SLC17A4: variants seen among roughly 807,000 people sequenced by gnomAD.
SLC17A4 encodes probable small intestine urate exporter.
In SLC17A4, 33 loss-of-function variants were observed where a neutral mutation model predicts 52.5. The observed-to-expected ratio is 0.63, with a 90% CI of 0.48 to 0.84. The LOEUF is 0.84. Among genes scored for constraint, SLC17A4 ranks in the 40% least tolerant of loss-of-function variants. The pLI is 0.00. For synonymous variants in SLC17A4, 225 were observed against 216.2 expected (o/e 1.04, Z -0.36); for missense variants, 585 against 597.1 (o/e 0.98, Z 0.21).
rs771348291 is a variant in SLC17A4, at chr6:25,779,195, C to T, written c.*7C>T. Reference sequence around the variant, plus strand: ...GACATTCACCCACCTCTGAGCAAACCGAGAGATGTGCTAGATCCTGGTGCT... The same window carrying T: ...GACATTCACCCACCTCTGAGCAAACTGAGAGATGTGCTAGATCCTGGTGCT... On this transcript the variant is annotated 3_prime_UTR_variant, in exon 12 of 12. Transcript: ENST00000377905. The T allele has an allele frequency of 8.7e-6, 14 of 1,612,980 alleles. No individual in the cohort carries two copies. Among genetic ancestry groups the T allele is most frequent in the East Asian group, 2.2e-5 (1 of 44,884 alleles).
At chr6:25,773,771 G>T in intron 8 of SLC17A4, 97 bp downstream of exon 8, 1 of 1,343,800 alleles carries the variant, frequency 7.4e-7, no homozygotes, top group African/African-American at 1.5e-5. Flanking sequence ...TCACAAAATC[G>T]GGGGATTAGG....
chr6:25,766,304 T>C (rs1245630324), intron 2 of SLC17A4, among the ~76,000 whole-genome samples: 1 of 151,932 alleles, frequency 6.6e-6, no homozygotes, highest in East Asian at 1.9e-4. Context: ...CAAACAAATA[T>C]ATTCTAGTAG....
chr6:25,778,856 C>A (rs754288861), intron 11 of SLC17A4, among the ~76,000 whole-genome samples, 198 bp from the exon 12 acceptor site: 1 of 152,104 alleles, frequency 6.6e-6, no homozygotes, highest in African/African-American at 2.4e-5. Context: ...GGAGGAGGAG[C>A]GTTCCAGCCA....
intron 1 of SLC17A4, among the ~76,000 whole-genome samples, chr6:25,758,191 T>C (rs1195228001): frequency 6.6e-6 from 1 of 152,176 alleles, no homozygotes; most frequent in Non-Finnish European, 1.5e-5. Context: ...AGGGGACATA[T>C]GTCAAGCTCC....
chr6:25,770,423 T>A lies in SLC17A4; in HGVS notation c.571T>A (p.Trp191Arg), dbSNP rs753663996. 4.5e-5 allele frequency: 73 copies of A among 1,613,996 alleles called. 1 individual carries two copies. In the South Asian group the frequency reaches 7.5e-4, roughly 17 times the overall value. The change falls in exon 5 of 12, where the codon TGG becomes AGG. Residue 191 changes from tryptophan to arginine, a missense_variant. Physicochemically the swap from Trp to Arg is moderately radical, Grantham distance 101. Coordinates refer to ENST00000377905, the MANE Select transcript of SLC17A4 (RefSeq NM_005495.3). ...TGGTCAGTATTCAATTTGGGTCAAA[T>A]GGGCTCCCCCACTGGAAAGGAGTCA... ...LTGQYSIWVK[W>R]APPLERSQLT...
chr6:25,764,695 A>G (rs760284067), intron 2 of SLC17A4, among the ~76,000 whole-genome samples: 6 of 152,176 alleles, frequency 3.9e-5, no homozygotes, highest in Non-Finnish European at 7.3e-5. Flanking sequence ...GAAGCTGGGC[A>G]GACCACAGAC....
At chr6:25,761,767 A>G (rs1467942665) in intron 1 of SLC17A4, among the ~76,000 whole-genome samples, 160 bp from the exon 2 acceptor site, 1 of 152,184 alleles carries the variant, frequency 6.6e-6, no homozygotes, top group Non-Finnish European at 1.5e-5. Flanking sequence ...AAGACCAACC[A>G]ATTGGTTAGT....
At chr6:25,764,158 A>G (rs765334477) in intron 2 of SLC17A4, among the ~76,000 whole-genome samples, 4 of 152,210 alleles carry the variant, frequency 2.6e-5, no homozygotes, top group African/African-American at 9.6e-5. Context: ...CCTCCAGAGC[A>G]TAGTGGTTTC....
Position 25,770,959 on chromosome 6 carries a change from C to G in SLC17A4, c.653C>G (p.Ala218Gly), listed in dbSNP as rs1201676531. ...CTGGGGTCCTTCATTGTTCTACTTG[C>G]TGGTGGTCTCCTCTGCCAGACCATA... is the stretch of plus-strand genomic sequence containing the variant. ...SMLGSFIVLL[A>G]GGLLCQTIGW... The change falls in exon 6 of 12, where the codon GCT becomes GGT. Residue 218 changes from alanine (A) to glycine (G), a missense_variant. Ala to Gly is a moderately conservative substitution (Grantham distance 60). Transcript: ENST00000377905. 6.2e-7 allele frequency: 1 copy of G among 1,613,912 alleles called. No homozygotes were observed.
At chr6:25,765,695 GA>G (rs1367732581) in intron 2 of SLC17A4, among the ~76,000 whole-genome samples, 2 of 152,088 alleles carry the variant, frequency 1.3e-5, no homozygotes, top group African/African-American at 4.8e-5. Flanking sequence ...TAGCAGCAAG[GA>G]GAAGATAGAT....
intron 8 of SLC17A4, among the ~76,000 whole-genome samples, chr6:25,775,215 C>T (rs2151456254): frequency 6.6e-6 from 1 of 151,966 alleles, no homozygotes; most frequent in Non-Finnish European, 1.5e-5. Context: ...GCCTGTAGTC[C>T]CAGCTACTTA....
At chr6:25,759,750 A>G (rs1165724585) in intron 1 of SLC17A4, among the ~76,000 whole-genome samples, 1 of 152,096 alleles carries the variant, frequency 6.6e-6, no homozygotes, top group Non-Finnish European at 1.5e-5. Context: ...CTTTACCTTA[A>G]GTTTATGTGA....
chr6:25,770,442 G>A lies in SLC17A4; in HGVS notation c.590G>A (p.Arg197Lys), dbSNP rs747290493. 3.7e-6 allele frequency: 6 copies of A among 1,613,940 alleles called. No homozygotes were observed. The highest frequency in any genetic ancestry group is 4.2e-6 in the Non-Finnish European group (5 of 1,179,972). The change falls in exon 5 of 12, where the codon AGG becomes AAG. Residue 197 changes from arginine to lysine, a missense_variant. Physicochemically the swap from Arg to Lys is conservative, Grantham distance 26 (BLOSUM62 2). Coordinates refer to ENST00000377905, the MANE Select transcript of SLC17A4 (RefSeq NM_005495.3). ...IWVKWAPPLE[R>K]SQLTTIAGSG... Reference sequence around the variant, plus strand: ...GTCAAATGGGCTCCCCCACTGGAAAGGAGTCAACTCACCACCATTGCTGGA... The same window carrying A: ...GTCAAATGGGCTCCCCCACTGGAAAAGAGTCAACTCACCACCATTGCTGGA...
At position 25,761,937 on chromosome 6, in the gene SLC17A4, C is replaced by T. The variant is rs773567013; in HGVS notation, c.-26C>T. On this transcript the variant is annotated 5_prime_UTR_variant, in exon 2 of 12. Coordinates refer to ENST00000377905, the MANE Select transcript of SLC17A4 (RefSeq NM_005495.3). ...TTCTTTTTATTTCAGTAAGTAAATG[C>T]CAGTCCCTAGGAAGAGAGAACCAAA... 3.2e-6 allele frequency: 5 copies of T among 1,579,762 alleles called. No individual in the cohort carries two copies. The highest frequency in any genetic ancestry group is 4.3e-6 in the Non-Finnish European group (5 of 1,150,698).
rs1431348056 is a variant in SLC17A4 at position 25,779,958 on chromosome 6, CTGCCTTCGTT to C, written c.*775_*784del. 1 of 152,228 alleles carries C rather than the reference CTGCCTTCGTT, an allele frequency of 6.6e-6. No individual in the cohort carries two copies. The highest frequency in any genetic ancestry group is 1.5e-5 in the Non-Finnish European group (1 of 68,066). 9.4% of individuals were successfully genotyped at this position (152,228 alleles called of 1,614,324 possible). A position where few individuals can be genotyped will look rare whatever the true frequency, so the allele number is the denominator to read the frequency against. On this transcript the variant is annotated 3_prime_UTR_variant, in exon 12 of 12. Coordinates refer to ENST00000377905, the MANE Select transcript of SLC17A4 (RefSeq NM_005495.3). Reference sequence around the variant, plus strand: ...GCTTTTGGACAGTGACCCATGATATCTGCCTTCGTTTGCCCCTCTGACTGTTGGAATCCCA... The same window carrying C: ...GCTTTTGGACAGTGACCCATGATATCTGCCCCTCTGACTGTTGGAATCCCA...
At position 25,769,075 on chromosome 6, in the gene SLC17A4, T is replaced by C; in HGVS notation, c.182T>C (p.Ile61Thr). ...CAACAAATGAACTTGAGCATTGCCA[T>C]CCCAGCTATGGTGAACAACACAGCC... ...YTQQMNLSIAIPAMVNNTAPP... is the reference protein window; with the variant it reads ...YTQQMNLSIATPAMVNNTAPP... Residue 61 changes from isoleucine (I) to threonine (T), a missense_variant, in exon 3 of 12, where the codon ATC (isoleucine) becomes ACC (threonine). Ile to Thr is a moderately conservative substitution (Grantham distance 89). Transcript: ENST00000377905. 1 of 1,614,056 alleles carries C rather than the reference T, an allele frequency of 6.2e-7. No homozygotes were observed. Among genetic ancestry groups the C allele is most frequent in the Non-Finnish European group, 8.5e-7 (1 of 1,179,986 alleles).
intron 1 of SLC17A4, among the ~76,000 whole-genome samples, chr6:25,757,418 G>C (rs1761115983): frequency 6.6e-6 from 1 of 151,966 alleles, no homozygotes; most frequent in Non-Finnish European, 1.5e-5. Flanking sequence ...TAACTTCTCT[G>C]ATCATTGTCA....
chr6:25,763,429 C>A (rs376747966), intron 2 of SLC17A4, among the ~76,000 whole-genome samples: 1 of 152,190 alleles, frequency 6.6e-6, no homozygotes, highest in Non-Finnish European at 1.5e-5. Flanking sequence ...ATAAACCTTG[C>A]AGAGTGCTTT....
At chr6:25,767,437 T>A (rs1385218039) in intron 2 of SLC17A4, among the ~76,000 whole-genome samples, 1 of 152,174 alleles carries the variant, frequency 6.6e-6, no homozygotes, top group Non-Finnish European at 1.5e-5. Flanking sequence ...GACTCTGTTA[T>A]TAATCTCATT....
Sources: allele counts gnomAD v4.1 joint callset (sites outside exome capture counted in the v4.1 genomes callset), GRCh38; gene constraint gnomAD v4.1.1; transcripts MANE v1.5; gene names NCBI Gene and HGNC (gene_info 2026-07-23, HGNC 2026-07-21).